The following SLC36A3 variants were observed in gnomAD, a reference collection of about 807,000 sequenced individuals.
SLC36A3 encodes proton-coupled amino acid transporter 3.
SLC36A3 carries 35 observed loss-of-function variants against 44.3 expected under a neutral mutation model. That is an observed-to-expected ratio of 0.79 (90% CI 0.60 to 1.05). The LOEUF is 1.05. Ranked by LOEUF, SLC36A3 falls within the 50% of genes least tolerant of loss-of-function variation. The pLI is 0.00. For missense variants in SLC36A3, 540 were observed against 578.7 expected (o/e 0.93, Z 0.69); for synonymous variants, 211 against 227.6 (o/e 0.93, Z 0.66).
chr5:151,287,386 G>A lies in SLC36A3; in HGVS notation c.568C>T (p.Arg190Cys), dbSNP rs767645275. The A allele has an allele frequency of 2.2e-5, 35 of 1,614,034 alleles. No individual in the cohort carries two copies. The highest frequency in any genetic ancestry group is 1.2e-4 in the South Asian group (11 of 91,090). The part of the protein sequence containing the change: ...ILTLTPILDI[R>C]FYMLIILPFL... ...GGCAGGATTATCAGCATGTAGAAAC[G>A]AATGTCCAGGATGGGGGTCAGCGTC... Residue 190 changes from arginine (R) to cysteine (C), a missense_variant, in exon 6 of 10, where the codon CGT (arginine) becomes TGT (cysteine). Transcript: ENST00000335230.
chr5:151,292,611 A>G (rs1173050787), intron 4 of SLC36A3, among the ~76,000 whole-genome samples: 1 of 152,266 alleles, frequency 6.6e-6, no homozygotes, highest in Non-Finnish European at 1.5e-5. Context: ...GGCAGGGAAC[A>G]ACCTGAATGT....
intron 1 of SLC36A3, among the ~76,000 whole-genome samples, chr5:151,299,262 C>CTATATATATATATATATA (rs1483618702): frequency 1.6e-5 from 1 of 64,442 alleles, no homozygotes; most frequent in East Asian, 5.6e-4. Flanking sequence ...CTCTCTCTCT[C>CTATATATATATATATATA]TCTATATATA....
intron 1 of SLC36A3, among the ~76,000 whole-genome samples, chr5:151,299,264 C>CTCTCTCTCTCTCTA (rs1372309288): frequency 5.9e-4 from 35 of 59,646 alleles, no homozygotes; most frequent in Non-Finnish European, 8.4e-4. Context: ...CTCTCTCTCT[C>CTCTCTCTCTCTCTA]TATATATATA....
intron 3 of SLC36A3, 23 bp from the exon 4 acceptor site, chr5:151,293,482 G>T: frequency 6.3e-7 from 1 of 1,578,178 alleles, no homozygotes; most frequent in Non-Finnish European, 8.7e-7. Flanking sequence ...AACAAACAAT[G>T]CATAATTTAA....
chr5:151,303,344 A>G lies in SLC36A3; in HGVS notation c.11T>C (p.Leu4Pro), dbSNP rs866322080. The G allele has an allele frequency of 6.2e-7, 1 of 1,613,332 alleles. No individual in the cohort carries two copies. The highest frequency in any genetic ancestry group is 1.7e-5 in the Admixed American group (1 of 59,966). The change falls in exon 1 of 10, where the codon CTT becomes CCT. Residue 4 changes from leucine to proline, a missense_variant. Leu to Pro is a moderately conservative substitution (Grantham distance 98). Coordinates refer to ENST00000335230, the MANE Select transcript of SLC36A3 (RefSeq NM_181774.4). MSL[L>P]GRDYNSELNS... ...CAGCTCACTGTTGTAGTCCCTTCCAAGCAATGACATCTTCAACACGGTGGG... is the reference window on the plus strand; with the variant it reads ...CAGCTCACTGTTGTAGTCCCTTCCAGGCAATGACATCTTCAACACGGTGGG...
At chr5:151,292,986 C>T (rs768682250) in intron 4 of SLC36A3, among the ~76,000 whole-genome samples, 23 of 150,716 alleles carry the variant, frequency 1.5e-4, no homozygotes, top group Non-Finnish European at 3.1e-4. Context: ...CTCTGTCCCT[C>T]CCCCCCCAAA....
intron 1 of SLC36A3, among the ~76,000 whole-genome samples, chr5:151,300,491 A>G (rs1171499046): frequency 6.6e-6 from 1 of 152,138 alleles, no homozygotes; most frequent in Non-Finnish European, 1.5e-5. Flanking sequence ...TAATTTGTCA[A>G]TTCTTAAGTA....
At chr5:151,279,447 ATGATTGT>A in intron 9 of SLC36A3, among the ~76,000 whole-genome samples, 1 of 152,238 alleles carries the variant, frequency 6.6e-6, no homozygotes, top group East Asian at 1.9e-4. Flanking sequence ...TGCTCAACAA[ATGATTGT>A]TGAATGAATA....
chr5:151,292,615 T>TTAGGG (rs1208429787), intron 4 of SLC36A3, among the ~76,000 whole-genome samples: 1 of 152,200 alleles, frequency 6.6e-6, no homozygotes, highest in African/African-American at 2.4e-5. Context: ...GGGAACAACC[T>TTAGGG]GAATGTTCAC....
chr5:151,287,755 A>G (rs1348991406), intron 5 of SLC36A3, among the ~76,000 whole-genome samples: 1 of 152,206 alleles, frequency 6.6e-6, no homozygotes, highest in Admixed American at 6.5e-5. Flanking sequence ...TATCTACTCA[A>G]ACCTTTTCTT....
In SLC36A3 at chr5:151,277,137, T is replaced by A. The variant is rs951272336; in HGVS notation, c.*256A>T. ...TAAGTGGCATCCCTTTTCCATAAAA[T>A]GAGGCTGATAATATGAATAGTTGAA... On this transcript the variant is annotated 3_prime_UTR_variant, in exon 10 of 10. Transcript: ENST00000335230. The A allele has an allele frequency of 2.2e-5, 11 of 498,364 alleles. No individual in the cohort carries two copies. The highest frequency in any genetic ancestry group is 3.9e-5 in the Non-Finnish European group (11 of 282,114). The allele number at this position is 498,364 out of a possible 1,614,324, so 30.9% of individuals were successfully genotyped here.
chr5:151,286,696 C>T (rs1383028483), intron 6 of SLC36A3, among the ~76,000 whole-genome samples: 3 of 152,034 alleles, frequency 2.0e-5, no homozygotes, highest in Non-Finnish European at 4.4e-5. Flanking sequence ...TTGTTCAGAT[C>T]CATGGATGTG....
Position 151,303,446 on chromosome 5 carries a change from A to C in SLC36A3, c.-92T>G. 1 of 1,381,556 alleles carries C rather than the reference A, an allele frequency of 7.2e-7. No individual in the cohort carries two copies. The highest frequency in any genetic ancestry group is 9.9e-7 in the Non-Finnish European group (1 of 1,012,868). The allele number at this position is 1,381,556 out of a possible 1,614,324, so 85.6% of individuals were successfully genotyped here. The stretch of plus-strand genomic sequence containing the variant: ...TTCTCCAGAGAAACCATGGCTGCTG[A>C]CCTGAGATGCTGGCTCCTAACCCCA... On this transcript the variant is annotated 5_prime_UTR_variant, in exon 1 of 10. Coordinates refer to ENST00000335230, the MANE Select transcript of SLC36A3 (RefSeq NM_181774.4).
In SLC36A3 at chr5:151,284,113, C is replaced by T. The variant is rs779640063; in HGVS notation, c.905G>A (p.Gly302Glu). 1.9e-6 allele frequency: 3 copies of T among 1,614,006 alleles called. No individual in the cohort carries two copies. The highest frequency in any genetic ancestry group is 2.5e-6 in the Non-Finnish European group (3 of 1,179,994). Reference sequence around the variant, plus strand: ...CCCAAACTTCATGTAGCCCAGTGTCCCCAGTAAGATATAGAGGATGATGAC... The same window carrying T: ...CCCAAACTTCATGTAGCCCAGTGTCTCCAGTAAGATATAGAGGATGATGAC... The part of the protein sequence containing the change: ...SIVIILYILL[G>E]TLGYMKFGSD... Residue 302 changes from glycine (G) to glutamate (E), a missense_variant, in exon 8 of 10, where the codon GGG (glycine) becomes GAG (glutamate). Coordinates refer to ENST00000335230, the MANE Select transcript of SLC36A3 (RefSeq NM_181774.4).
intron 1 of SLC36A3, 115 bp from the exon 2 acceptor site, chr5:151,298,798 C>G (rs1755050277): frequency 2.2e-6 from 2 of 917,546 alleles, no homozygotes; most frequent in African/African-American, 1.6e-5. Context: ...GGGGCAAAAC[C>G]TGATGAGGTG....
intron 1 of SLC36A3, among the ~76,000 whole-genome samples, chr5:151,299,647 A>G (rs868816921): frequency 2.6e-5 from 4 of 152,162 alleles, no homozygotes; most frequent in Non-Finnish European, 5.9e-5. Context: ...AATAAAAAGT[A>G]CATGCGTAAG....
At chr5:151,278,293 A>C (rs909273038) in intron 9 of SLC36A3, among the ~76,000 whole-genome samples, 2 of 150,606 alleles carry the variant, frequency 1.3e-5, no homozygotes, top group African/African-American at 2.4e-5. Flanking sequence ...GCATTAAGCT[A>C]TCCAACCCCC....
At chr5:151,280,325 G>A (rs1352199224) in intron 9 of SLC36A3, among the ~76,000 whole-genome samples, 1 of 152,044 alleles carries the variant, frequency 6.6e-6, no homozygotes, top group Non-Finnish European at 1.5e-5. Flanking sequence ...ATGGTGGCAG[G>A]TGCCTGTAAT....
At chr5:151,294,732 C>T (rs998090507) in intron 3 of SLC36A3, among the ~76,000 whole-genome samples, 1 of 151,724 alleles carries the variant, frequency 6.6e-6, no homozygotes, top group African/African-American at 2.4e-5. Flanking sequence ...CGGGTTCAAG[C>T]GATTCTCCTG....
Sources: gnomAD v4.1 joint callset for allele counts (sites outside exome capture counted in the v4.1 genomes callset) on GRCh38, gnomAD v4.1.1 for gene constraint, MANE v1.5 for transcripts, NCBI Gene and HGNC (gene_info 2026-07-23, HGNC 2026-07-21) for gene names.